DDX19A: variants seen among roughly 807,000 people sequenced by gnomAD.
The protein encoded by DDX19A is DEAD-box helicase 19A.
DDX19A carries 12 observed loss-of-function variants against 60.6 expected under a neutral mutation model. The observed-to-expected ratio is 0.20, with a 90% CI of 0.13 to 0.32. The LOEUF (loss-of-function observed/expected upper bound fraction) is 0.32. Ranked by LOEUF, DDX19A falls within the 10% of genes least tolerant of loss-of-function variation. DDX19A has a pLI of 1.00. For missense variants in DDX19A, 337 were observed against 600.6 expected (o/e 0.56, Z 4.59); for synonymous variants, 206 against 218.2 (o/e 0.94, Z 0.49).
chr16:70,352,562 C>T (rs1964051281), intron 2 of DDX19A, among the ~76,000 whole-genome samples: 1 of 151,228 alleles, frequency 6.6e-6, no homozygotes, highest in Non-Finnish European at 1.5e-5. Context: ...GGATTACAGG[C>T]GTGAGCCACT....
chr16:70,351,023 C>T (rs1050233177), intron 2 of DDX19A, among the ~76,000 whole-genome samples: 23 of 150,776 alleles, frequency 1.5e-4, no homozygotes, highest in East Asian at 3.9e-4. Flanking sequence ...GGACTACAGG[C>T]GCTTGCCACC....
chr16:70,371,773 G>T, intron 11 of DDX19A, 152 bp from the exon 12 acceptor site: 1 of 1,335,590 alleles, frequency 7.5e-7, no homozygotes, highest in Non-Finnish European at 1.0e-6. Context: ...GGGCTTCGGG[G>T]CGTGGGGCTC....
chr16:70,369,609 TTTCTTTTC>T (rs1964622635), intron 9 of DDX19A, among the ~76,000 whole-genome samples: 1 of 151,354 alleles, frequency 6.6e-6, no homozygotes, highest in Non-Finnish European at 1.5e-5. Context: ...TTCTTTTTTT[TTTCTTTTC>T]TTCTTTTTTT....
At chr16:70,359,173 A>G (rs944057127) in intron 4 of DDX19A, among the ~76,000 whole-genome samples, 2 of 152,224 alleles carry the variant, frequency 1.3e-5, no homozygotes, top group African/African-American at 4.8e-5. Flanking sequence ...TACCTAAAAT[A>G]TTTGAGTTAA....
chr16:70,362,970 CA>C (rs1439931043), intron 5 of DDX19A, among the ~76,000 whole-genome samples: 2 of 149,126 alleles, frequency 1.3e-5, no homozygotes, highest in Non-Finnish European at 3.0e-5. Context: ...GCCAAGATTA[CA>C]CCATTGCACT....
chr16:70,347,388 G>T (rs1003648810), intron 1 of DDX19A: 2 of 347,392 alleles, frequency 5.8e-6, no homozygotes, highest in East Asian at 6.1e-5. Context: ...GCATGTTTCT[G>T]TACTACTCTG....
chr16:70,355,934 C>T (rs1434169194), intron 3 of DDX19A, 178 bp from the exon 4 acceptor site: 5 of 782,138 alleles, frequency 6.4e-6, no homozygotes, highest in South Asian at 1.9e-5. Context: ...TGCACTCCAG[C>T]CTGGGTGACA....
chr16:70,364,909 CA>C, intron 6 of DDX19A, 107 bp from the exon 7 acceptor site: 1 of 857,966 alleles, frequency 1.2e-6, no homozygotes. Flanking sequence ...GATGGGAGGA[CA>C]TGCTTCCCTG....
chr16:70,355,204 C>G (rs1394470821), intron 2 of DDX19A, among the ~76,000 whole-genome samples: 1 of 151,980 alleles, frequency 6.6e-6, no homozygotes, highest in Non-Finnish European at 1.5e-5. Context: ...TGGTGAAACC[C>G]CGTCTCTACT....
At chr16:70,354,301 C>T (rs1472837028) in intron 2 of DDX19A, among the ~76,000 whole-genome samples, 1 of 152,088 alleles carries the variant, frequency 6.6e-6, no homozygotes, top group Non-Finnish European at 1.5e-5. Context: ...CATGCGCCAC[C>T]ACACCCAGCT....
chr16:70,370,354 G>A lies in DDX19A; in HGVS notation c.1152G>A (p.Lys384=). The change falls in exon 10 of 12, where the codon AAG becomes AAA. Residue 384 remains lysine, a synonymous_variant. Transcript: ENST00000302243. ...AGCGCTTCCGAGAGGGCAAAGAGAA[G>A]GTTTTGGTGACCACCAACGTGTGTG... ...VIERFREGKE[K]VLVTTNVCAR... is the part of the protein sequence containing the mutation. The A allele has an allele frequency of 6.2e-7, 1 of 1,613,926 alleles. No individual in the cohort carries two copies. The highest frequency in any genetic ancestry group is 8.5e-7 in the Non-Finnish European group (1 of 1,179,966).
In DDX19A at chr16:70,366,004, C is replaced by T. The variant is rs79528925; in HGVS notation, c.605-81C>T. 4 of 1,602,370 alleles carry T rather than the reference C, an allele frequency of 2.5e-6. No individual in the cohort carries two copies. The African/African-American group carries it at 5.4e-5, about 21-fold the overall frequency. On this transcript the variant is annotated intron_variant, in intron 7 of 11. Coordinates refer to ENST00000302243, the MANE Select transcript of DDX19A (RefSeq NM_018332.5). ...CTGGAAATAACTTGTTCTCCTAGTC[C>T]TAGAAGGATGGGCAGGGCTTTGATT... is the stretch of plus-strand genomic sequence containing the variant.
intron 2 of DDX19A, 85 bp from the exon 3 acceptor site, chr16:70,355,400 T>G (rs1453012198): frequency 4.1e-6 from 4 of 968,128 alleles, no homozygotes; most frequent in East Asian, 2.5e-5. Context: ...TAAAATAAAT[T>G]TCAGTGTATT....
Position 70,370,336 on chromosome 16 carries a change from C to T in DDX19A, c.1134C>T (p.Phe378=), listed in dbSNP as rs1415705007. Residue 378 remains phenylalanine, a synonymous_variant, in exon 10 of 12, where the codon TTC becomes TTT. Transcript: ENST00000302243. ...VEQRAAVIER[F]REGKEKVLVT... is the part of the protein sequence containing the mutation. ...AGAGGGCTGCGGTGATTGAGCGCTT[C>T]CGAGAGGGCAAAGAGAAGGTTTTGG... The T allele has an allele frequency of 6.2e-7, 1 of 1,613,884 alleles. No individual in the cohort carries two copies. The highest frequency in any genetic ancestry group is 8.5e-7 in the Non-Finnish European group (1 of 1,179,908).
chr16:70,350,648 G>T, intron 2 of DDX19A, 43 bp downstream of exon 2: 2 of 1,487,852 alleles, frequency 1.3e-6, no homozygotes, highest in South Asian at 1.2e-5. Flanking sequence ...GTTCCATGTG[G>T]GCCGCTGCTT....
At chr16:70,365,806 AAG>A in intron 7 of DDX19A, 2 of 505,578 alleles carry the variant, frequency 4.0e-6, no homozygotes, top group Non-Finnish European at 7.1e-6. Flanking sequence ...TAAACATAAA[AAG>A]AGTTGGATGA....
rs113111986 is a variant in DDX19A, at chr16:70,353,438, G to A, written c.107-2047G>A. 4.3e-3 allele frequency among the ~76,000 whole-genome samples: 649 copies of A among 152,012 alleles called. 6 individuals carry two copies. Among genetic ancestry groups the A allele is most frequent in the African/African-American group, 0.014 (563 of 41,484 alleles). On this transcript the variant is annotated intron_variant, in intron 2 of 11. Coordinates refer to ENST00000302243, the MANE Select transcript of DDX19A (RefSeq NM_018332.5). Reference sequence around the variant, plus strand: ...CTTTTTTTAAAATTTTTTTTAAGACGTGATCTTGTAGGTTGGACACAGTGG... The same window carrying A: ...CTTTTTTTAAAATTTTTTTTAAGACATGATCTTGTAGGTTGGACACAGTGG...
intron 9 of DDX19A, among the ~76,000 whole-genome samples, chr16:70,369,759 C>T (rs971941173): frequency 6.6e-6 from 1 of 151,600 alleles, no homozygotes; most frequent in African/African-American, 2.4e-5. Flanking sequence ...CTGGGACTTA[C>T]AGGCCTACAC....
At chr16:70,362,114 G>A (rs1328756107) in intron 5 of DDX19A, among the ~76,000 whole-genome samples, 1 of 151,628 alleles carries the variant, frequency 6.6e-6, no homozygotes, top group Non-Finnish European at 1.5e-5. Context: ...GGCAGAGGTT[G>A]CAGTGAGCCG....
Sources: gnomAD v4.1 joint callset for allele counts (sites outside exome capture counted in the v4.1 genomes callset) on GRCh38, gnomAD v4.1.1 for gene constraint, MANE v1.5 for transcripts, NCBI Gene and HGNC (gene_info 2026-07-23, HGNC 2026-07-21) for gene names.